The following AP2B1 variants were observed in gnomAD, a reference collection of about 807,000 sequenced individuals.
AP2B1 encodes the protein adaptor related protein complex 2 subunit beta 1.
In AP2B1, 23 loss-of-function variants were observed where a neutral mutation model predicts 102.0. The observed-to-expected ratio is 0.23, with a 90% CI of 0.16 to 0.32. The LOEUF (loss-of-function observed/expected upper bound fraction) is 0.32. AP2B1 is among the 10% of genes least tolerant of loss of function. The probability of loss-of-function intolerance (pLI) is 1.00; values close to 1 mark genes in which losing one functional copy is unlikely to be tolerated. For synonymous variants in AP2B1, 381 were observed against 421.2 expected, an observed-to-expected ratio of 0.90 and a Z score of 1.17; for missense variants, 541 against 1,157.4, an observed-to-expected ratio of 0.47 and a Z score of 7.73.
At chr17:35,647,574 C>G (rs1221652539) in intron 12 of AP2B1, among the ~76,000 whole-genome samples, 1 of 152,068 alleles carries the variant, frequency 6.6e-6, no homozygotes, top group Non-Finnish European at 1.5e-5. Flanking sequence ...TAAAGATTAT[C>G]TTGAGATAAA....
intron 13 of AP2B1, among the ~76,000 whole-genome samples, chr17:35,652,933 A>G (rs1308474027): frequency 6.6e-6 from 1 of 152,192 alleles, no homozygotes; most frequent in African/African-American, 2.4e-5. Context: ...TGTCAGGTGT[A>G]TGAAATCATT....
At chr17:35,660,100 A>C in intron 14 of AP2B1, 1 of 981,150 alleles carries the variant, frequency 1.0e-6, no homozygotes. Context: ...AAAATAAATT[A>C]TATACCTTGA....
intron 20 of AP2B1, among the ~76,000 whole-genome samples, chr17:35,712,350 C>T (rs1469032910): frequency 9.9e-5 from 15 of 152,164 alleles, no homozygotes; most frequent in Admixed American, 1.3e-4. Context: ...GGTTTTGGGC[C>T]GGGCACAGTG....
At chr17:35,611,495 G>C (rs911631812) in intron 5 of AP2B1, among the ~76,000 whole-genome samples, 2 of 152,128 alleles carry the variant, frequency 1.3e-5, no homozygotes, top group African/African-American at 4.8e-5. Flanking sequence ...GCGCGCACGT[G>C]CGCACACACA....
chr17:35,598,392 G>C, intron 3 of AP2B1, 57 bp downstream of exon 3: 1 of 1,024,588 alleles, frequency 9.8e-7, no homozygotes, highest in Non-Finnish European at 1.4e-6. Context: ...CCATCTTATG[G>C]CCTTTACTGC....
chr17:35,714,960 A>G (rs2076524023), intron 20 of AP2B1, among the ~76,000 whole-genome samples: 1 of 152,202 alleles, frequency 6.6e-6, no homozygotes, highest in South Asian at 2.1e-4. Flanking sequence ...AAACTATGAT[A>G]TCTTGTCAAG....
At chr17:35,680,068 A>T (rs1490119629) in intron 17 of AP2B1, among the ~76,000 whole-genome samples, 1 of 151,628 alleles carries the variant, frequency 6.6e-6, no homozygotes, top group Non-Finnish European at 1.5e-5. Flanking sequence ...ACGCCCGACT[A>T]ATTTTTTTTT....
chr17:35,627,764 A>C, intron 9 of AP2B1, 38 bp downstream of exon 9: 1 of 1,499,852 alleles, frequency 6.7e-7, no homozygotes, highest in East Asian at 2.3e-5. Flanking sequence ...TGTATTGGGG[A>C]TTCTGAGAGT....
intron 14 of AP2B1, among the ~76,000 whole-genome samples, chr17:35,661,840 C>T (rs1346301206): frequency 3.3e-5 from 5 of 152,140 alleles, no homozygotes; most frequent in Non-Finnish European, 7.3e-5. Flanking sequence ...TCATAAAATT[C>T]GGCCAGCGTT....
intron 11 of AP2B1, among the ~76,000 whole-genome samples, chr17:35,640,669 G>C (rs1206887803): frequency 6.6e-6 from 1 of 152,234 alleles, no homozygotes; most frequent in East Asian, 1.9e-4. Context: ...GAGAGTATCT[G>C]ACTCAGTAGG....
At chr17:35,704,653 G>A (rs980024435) in intron 18 of AP2B1, among the ~76,000 whole-genome samples, 1 of 152,146 alleles carries the variant, frequency 6.6e-6, no homozygotes, top group African/African-American at 2.4e-5. Context: ...TTTCTGGGAA[G>A]TGTTAATCTT....
chr17:35,653,481 G>GT (rs1044698671), intron 13 of AP2B1, among the ~76,000 whole-genome samples: 1 of 152,020 alleles, frequency 6.6e-6, no homozygotes, highest in African/African-American at 2.4e-5. Flanking sequence ...TGTTTGTTTT[G>GT]TTTTGTTTTT....
chr17:35,636,997 C>T (rs1325706603), intron 10 of AP2B1, among the ~76,000 whole-genome samples: 1 of 152,076 alleles, frequency 6.6e-6, no homozygotes. Context: ...TAGTTATTCT[C>T]ATACAGATAT....
At position 35,639,768 on chromosome 17, in the gene AP2B1, C is replaced by A; in HGVS notation, c.1437+8C>A. 1.2e-6 allele frequency: 2 copies of A among 1,611,884 alleles called. No homozygotes were observed. The highest frequency in any genetic ancestry group is 1.7e-6 in the Non-Finnish European group (2 of 1,178,760). ...CACGATGAAAGCACCCAGGTAAGTT[C>A]TTGTCTCTTGTCTATCCTAGTAGTT... On this transcript the variant is annotated splice_region_variant and intron_variant, in intron 11 of 21. Transcript: ENST00000610402.
At chr17:35,650,844 T>G (rs535194814) in intron 13 of AP2B1, 55 bp downstream of exon 13, 3 of 1,572,140 alleles carry the variant, frequency 1.9e-6, no homozygotes, top group Non-Finnish European at 1.7e-6. Flanking sequence ...TAGACAGCGT[T>G]GCTCTTCTTT....
intron 1 of AP2B1, 44 bp from the exon 2 acceptor site, chr17:35,593,964 G>A: frequency 9.5e-7 from 1 of 1,051,170 alleles, no homozygotes; most frequent in Non-Finnish European, 1.3e-6. Flanking sequence ...TGCCTTGTTG[G>A]ATATCTATAA....
At chr17:35,624,618 A>G (rs2074268155) in intron 6 of AP2B1, 31 bp downstream of exon 6, 2 of 1,594,806 alleles carry the variant, frequency 1.3e-6, no homozygotes, top group Non-Finnish European at 1.7e-6. Flanking sequence ...ACTTTCTGGT[A>G]GTCTTGCCTG....
chr17:35,644,577 G>A (rs1172569979), intron 12 of AP2B1, among the ~76,000 whole-genome samples: 1 of 150,996 alleles, frequency 6.6e-6, no homozygotes, highest in Non-Finnish European at 1.5e-5. Flanking sequence ...TAGAGATGAG[G>A]GTTCACCATG....
intron 3 of AP2B1, among the ~76,000 whole-genome samples, chr17:35,602,248 AAT>A (rs1294508750): frequency 6.6e-6 from 1 of 152,224 alleles, no homozygotes; most frequent in Non-Finnish European, 1.5e-5. Flanking sequence ...GGAAAAATAA[AAT>A]ATACTTATGT....
Sources: allele counts gnomAD v4.1 joint callset (sites outside exome capture counted in the v4.1 genomes callset), GRCh38; gene constraint gnomAD v4.1.1; transcripts MANE v1.5; gene names NCBI Gene and HGNC (gene_info 2026-07-23, HGNC 2026-07-21).